Variants in SERPINB7 observed in about 807,000 individuals in gnomAD.
The protein encoded by SERPINB7 is serpin B7.
SERPINB7 carries 31 observed loss-of-function variants against 37.4 expected under a neutral mutation model. That is an observed-to-expected ratio of 0.83 (90% CI 0.62 to 1.12). SERPINB7 has a LOEUF of 1.12. Among genes scored for constraint, SERPINB7 ranks in the 50% most tolerant of loss-of-function variants. The pLI, the probability that SERPINB7 is intolerant of heterozygous loss-of-function variation, is 0.00. For missense variants in SERPINB7, 521 were observed against 455.3 expected (o/e 1.14, Z -1.31); for synonymous variants, 163 against 166.1 (o/e 0.98, Z 0.14).
intron 4 of SERPINB7, among the ~76,000 whole-genome samples, chr18:63,794,622 G>A (rs2049466916): frequency 1.3e-5 from 2 of 152,064 alleles, no homozygotes. Context: ...CCCAGGAGGC[G>A]GAGCTTGCAG....
upstream of SERPINB7, among the ~76,000 whole-genome samples, chr18:63,774,535 T>C (rs1487590051): frequency 2.0e-5 from 3 of 152,084 alleles, no homozygotes; most frequent in African/African-American, 7.2e-5. Flanking sequence ...CTGTGTGGCA[T>C]GTTCTGATGG....
chr18:63,783,259 AAAGAAAGAAAGAAAG>A (rs2049330380), intron 2 of SERPINB7, among the ~76,000 whole-genome samples: 1 of 145,594 alleles, frequency 6.9e-6, no homozygotes, highest in Non-Finnish European at 1.5e-5. Flanking sequence ...AGAAAGAAAG[AAAGAAAGAAAGAAAG>A]AAAGAAAGAA....
At chr18:63,785,142 C>G (rs59696214) in intron 2 of SERPINB7, among the ~76,000 whole-genome samples, 1 of 152,186 alleles carries the variant, frequency 6.6e-6, no homozygotes, top group Non-Finnish European at 1.5e-5. Flanking sequence ...AAACATTCAT[C>G]TAATTTATCT....
chr18:63,796,429 A>G (rs1316536845), intron 5 of SERPINB7, 46 bp downstream of exon 5: 4 of 1,070,896 alleles, frequency 3.7e-6, no homozygotes, highest in South Asian at 2.7e-5. Flanking sequence ...TGTCAGTTAT[A>G]TGTGAATACT....
chr18:63,783,225 AGAGAGAG>A lies in SERPINB7; in HGVS notation c.168+686_168+692del, dbSNP rs1568207828. Among the ~76,000 whole-genome samples, 692 of 74,260 alleles carry A rather than the reference AGAGAGAG, an allele frequency of 9.3e-3. 4 individuals carry two copies. Among genetic ancestry groups the A allele is most frequent in the South Asian group, 0.015 (26 of 1,790 alleles). The allele number at this position is 74,260 out of a possible 152,430, so 48.7% of individuals were successfully genotyped here. A position where few individuals can be genotyped will look rare whatever the true frequency, so the allele number is the denominator to read the frequency against. ...GAGAGAGAGAGAGAGAGAGAGAGAG[AGAGAGAG>A]AGAAAGAAAGAAAGAAAGAAAGAAA... On this transcript the variant is annotated intron_variant, in intron 2 of 7. Coordinates refer to ENST00000398019, the MANE Select transcript of SERPINB7 (RefSeq NM_003784.4).
chr18:63,794,733 T>C (rs1377082428), intron 4 of SERPINB7, among the ~76,000 whole-genome samples: 9 of 151,864 alleles, frequency 5.9e-5, no homozygotes, highest in Admixed American at 5.9e-4. Flanking sequence ...AAAAAAATAC[T>C]CTTTGTGTCA....
In SERPINB7 at chr18:63,800,884, G is replaced by T; in HGVS notation, c.616G>T (p.Ala206Ser). The T allele has an allele frequency of 1.2e-6, 2 of 1,613,616 alleles. No homozygotes were observed. The highest frequency in any genetic ancestry group is 1.7e-6 in the Non-Finnish European group (2 of 1,179,772). ...CTTTCAGTGCTCTGGGAAGGCAGTC[G>T]CCATGATGCATCAGGAACGGAAGTT... ...KSPKCSGKAV[A>S]MMHQERKFNL... The change falls in exon 7 of 8, where the codon GCC becomes TCC. Residue 206 changes from alanine (A) to serine (S), a missense_variant. Transcript: ENST00000398019.
chr18:63,783,937 T>C (rs1316554409), intron 2 of SERPINB7, among the ~76,000 whole-genome samples: 1 of 152,232 alleles, frequency 6.6e-6, no homozygotes, highest in African/African-American at 2.4e-5. Context: ...CAGTAAATAT[T>C]AATTGCTAGA....
intron 2 of SERPINB7, among the ~76,000 whole-genome samples, chr18:63,783,206 G>A (rs1293427091): frequency 4.7e-5 from 4 of 85,702 alleles, no homozygotes; most frequent in African/African-American, 2.1e-4. Flanking sequence ...GAGAGAGAGA[G>A]AGAGAGAGAG....
At chr18:63,753,382 T>C (rs1365883094) in intron 1 of SERPINB7, among the ~76,000 whole-genome samples, 1 of 152,138 alleles carries the variant, frequency 6.6e-6, no homozygotes, top group Non-Finnish European at 1.5e-5. Context: ...ATCTATAACA[T>C]TGGCCAACAT....
rs529347878 is a variant in SERPINB7, at chr18:63,760,210, A to G, written c.-19+7090A>G. 4.6e-5 allele frequency among the ~76,000 whole-genome samples: 7 copies of G among 152,302 alleles called. No homozygotes were observed. In the South Asian group the frequency reaches 1.5e-3, roughly 32 times the overall value. On this transcript the variant is annotated intron_variant, in intron 1 of 7. Coordinates refer to the SERPINB7 transcript ENST00000336429. The stretch of plus-strand genomic sequence containing the variant: ...GATGGAGATGAGGAACTTGTTGGGA[A>G]CTGGAGCAAAGGTGACTCTTGTTAT...
In SERPINB7 at chr18:63,804,879, C is replaced by T. The variant is rs1471913244; in HGVS notation, c.*244C>T. 4.1e-6 allele frequency: 2 copies of T among 484,550 alleles called. No individual in the cohort carries two copies. The highest frequency in any genetic ancestry group is 3.8e-5 in the Admixed American group (1 of 26,464). The allele number at this position is 484,550 out of a possible 1,614,324, so 30.0% of individuals were successfully genotyped here. ...TTTCTAATTTCATTGTCTTTCTTCC[C>T]ACGCTCATTTCTATCATTCTCCCCC... On this transcript the variant is annotated 3_prime_UTR_variant, in exon 8 of 8. Coordinates refer to ENST00000398019, the MANE Select transcript of SERPINB7 (RefSeq NM_003784.4).
At chr18:63,790,023 T>C (rs2049410805) in intron 2 of SERPINB7, among the ~76,000 whole-genome samples, 1 of 152,288 alleles carries the variant, frequency 6.6e-6, no homozygotes, top group African/African-American at 2.4e-5. Flanking sequence ...TTTCCATAGG[T>C]GAAAACATGC....
chr18:63,795,005 A>G (rs951400656), intron 4 of SERPINB7, among the ~76,000 whole-genome samples: 2 of 152,246 alleles, frequency 1.3e-5, no homozygotes, highest in Non-Finnish European at 2.9e-5. Context: ...ATATTTGTGT[A>G]TATTCATTGA....
chr18:63,759,346 G>A (rs1475770037), intron 1 of SERPINB7, among the ~76,000 whole-genome samples: 1 of 151,690 alleles, frequency 6.6e-6, no homozygotes, highest in African/African-American at 2.4e-5. Context: ...AATTAAAATT[G>A]ACAATTGGAA....
intron 1 of SERPINB7, chr18:63,753,201 A>G (rs2049102239): frequency 6.6e-6 from 1 of 152,180 alleles, no homozygotes; most frequent in Non-Finnish European, 1.5e-5. Context: ...CTAGTGCCTG[A>G]GGTGCTGCAT....
intron 1 of SERPINB7, among the ~76,000 whole-genome samples, chr18:63,756,663 A>G (rs957307806): frequency 2.7e-4 from 41 of 152,180 alleles, no homozygotes; most frequent in Admixed American, 2.5e-3. Flanking sequence ...GAGGAGCTTG[A>G]GAAGAAGATT....
At chr18:63,773,656 T>C (rs2049224614), upstream of SERPINB7, among the ~76,000 whole-genome samples, 1 of 152,140 alleles carries the variant, frequency 6.6e-6, no homozygotes, top group Non-Finnish European at 1.5e-5. Context: ...CAGTTCATGT[T>C]TCCTCATCTA....
intron 6 of SERPINB7, among the ~76,000 whole-genome samples, chr18:63,799,275 CAT>C (rs2049522004): frequency 1.3e-5 from 2 of 152,144 alleles, no homozygotes; most frequent in Non-Finnish European, 2.9e-5. Context: ...CTTTATAAAA[CAT>C]ATATTCTTGG....
Sources: gnomAD v4.1 joint callset for allele counts (sites outside exome capture counted in the v4.1 genomes callset) on GRCh38, gnomAD v4.1.1 for gene constraint, MANE v1.5 for transcripts, NCBI Gene and HGNC (gene_info 2026-07-23, HGNC 2026-07-21) for gene names.